Variants in KCNH5 observed in about 807,000 individuals in gnomAD.
KCNH5 encodes potassium voltage-gated channel subfamily H member 5.
In KCNH5, 46 loss-of-function variants were observed where a neutral mutation model predicts 96.1. The observed-to-expected ratio is 0.48, with a 90% CI of 0.38 to 0.61. The LOEUF (loss-of-function observed/expected upper bound fraction) is 0.61, where lower values mean the gene tolerates loss of function less well. Ranked by LOEUF, KCNH5 falls within the 20% of genes least tolerant of loss-of-function variation. KCNH5 has a pLI of 0.00. For missense variants in KCNH5, 907 were observed against 1,225.8 expected (o/e 0.74, Z 3.88); for synonymous variants, 439 against 449.8 (o/e 0.98, Z 0.30).
intron 1 of KCNH5, 59 bp downstream of exon 1, chr14:63,045,055 T>TG (rs1891897335): frequency 1.5e-6 from 2 of 1,305,198 alleles, no homozygotes; most frequent in Admixed American, 1.7e-5. Context: ...ATGGGGAGGA[T>TG]GGGGGGCGCG....
intron 7 of KCNH5, among the ~76,000 whole-genome samples, chr14:62,907,227 A>G (rs1473205559): frequency 6.6e-6 from 1 of 152,138 alleles, no homozygotes; most frequent in Non-Finnish European, 1.5e-5. Flanking sequence ...GATCAATCAG[A>G]CCCTATGACA....
At chr14:62,941,196 T>C (rs1889782802) in intron 7 of KCNH5, among the ~76,000 whole-genome samples, 1 of 152,202 alleles carries the variant, frequency 6.6e-6, no homozygotes, top group South Asian at 2.1e-4. Flanking sequence ...ATGAAGATCC[T>C]TGTAAAACGT....
rs1360362406 is a variant in KCNH5 at position 63,045,253 on chromosome 14, G to A, written c.-67C>T. On this transcript the variant is annotated 5_prime_UTR_variant, in exon 1 of 11. Coordinates refer to ENST00000322893, the MANE Select transcript of KCNH5 (RefSeq NM_139318.5). Reference sequence around the variant, plus strand: ...GGGGGGGATGCAGGCAAAGAAGGTGGAGGAAGAGGAGGAAAAGGTGGAAGA... The same window carrying A: ...GGGGGGGATGCAGGCAAAGAAGGTGAAGGAAGAGGAGGAAAAGGTGGAAGA... 8 of 1,200,240 alleles carry A rather than the reference G, an allele frequency of 6.7e-6. No individual in the cohort carries two copies. Among genetic ancestry groups the A allele is most frequent in the Admixed American group, 5.1e-5 (3 of 58,942 alleles). 74.3% of individuals were successfully genotyped at this position (1,200,240 alleles called of 1,614,324 possible).
intron 7 of KCNH5, among the ~76,000 whole-genome samples, chr14:62,896,586 C>A (rs916124891): frequency 6.6e-6 from 1 of 152,206 alleles, no homozygotes; most frequent in Admixed American, 6.5e-5. Context: ...TTACAATCAA[C>A]GTAGCACATG....
intron 7 of KCNH5, among the ~76,000 whole-genome samples, chr14:62,923,477 T>G (rs1422086104): frequency 6.6e-6 from 1 of 151,910 alleles, no homozygotes. Context: ...AATTATAAAA[T>G]TCATGTAACC....
intron 7 of KCNH5, among the ~76,000 whole-genome samples, chr14:62,865,351 AG>A (rs1888114182): frequency 7.0e-6 from 1 of 143,540 alleles, no homozygotes; most frequent in Non-Finnish European, 1.5e-5. Context: ...AAAAAAAAAA[AG>A]CTTATTCTTG....
At chr14:62,887,736 T>C (rs1223017446) in intron 7 of KCNH5, among the ~76,000 whole-genome samples, 1 of 152,082 alleles carries the variant, frequency 6.6e-6, no homozygotes, top group Non-Finnish European at 1.5e-5. Context: ...TGCCAGACTG[T>C]CTGCTTTGCT....
intron 7 of KCNH5, among the ~76,000 whole-genome samples, chr14:62,925,217 A>T (rs1889451259): frequency 6.6e-6 from 1 of 152,034 alleles, no homozygotes; most frequent in South Asian, 2.1e-4. Flanking sequence ...AAGGGAGAGA[A>T]TACAATATAA....
rs1884346691 is a variant in KCNH5 at position 62,701,448 on chromosome 14, TG to T, written c.*6059del. 6.6e-6 allele frequency: 1 copy of T among 152,210 alleles called. No individual in the cohort carries two copies. The highest frequency in any genetic ancestry group is 1.5e-5 in the Non-Finnish European group (1 of 68,012). 9.4% of individuals were successfully genotyped at this position (152,210 alleles called of 1,614,324 possible). The stretch of plus-strand genomic sequence containing the variant: ...CTGCACTTTTTGGTTTACTCTTCTT[TG>T]ACCAAGTGCCTTTACAAGTAGTACA... On this transcript the variant is annotated 3_prime_UTR_variant, in exon 11 of 11. Transcript: ENST00000322893.
chr14:62,926,251 C>G (rs1386158946), intron 7 of KCNH5, among the ~76,000 whole-genome samples: 2 of 152,066 alleles, frequency 1.3e-5, no homozygotes, highest in Non-Finnish European at 2.9e-5. Flanking sequence ...TTCGTAGTTG[C>G]TCTGATAAGT....
chr14:62,988,344 G>C (rs1001590883), intron 4 of KCNH5, among the ~76,000 whole-genome samples: 6 of 151,732 alleles, frequency 4.0e-5, no homozygotes, highest in African/African-American at 1.5e-4. Context: ...TGTTCCAAAG[G>C]AATGATGACA....
intron 10 of KCNH5, among the ~76,000 whole-genome samples, chr14:62,759,406 T>C: frequency 6.6e-6 from 1 of 152,050 alleles, no homozygotes; most frequent in Non-Finnish European, 1.5e-5. Context: ...ATTATGAATT[T>C]ATTTCTGGGG....
intron 7 of KCNH5, among the ~76,000 whole-genome samples, chr14:62,868,331 A>G (rs955396978): frequency 2.6e-5 from 4 of 152,192 alleles, no homozygotes; most frequent in African/African-American, 9.6e-5. Flanking sequence ...ATTTTACTCA[A>G]TTCATAAATT....
chr14:62,896,294 A>G (rs1190006662), intron 7 of KCNH5, among the ~76,000 whole-genome samples: 1 of 152,238 alleles, frequency 6.6e-6, no homozygotes, highest in East Asian at 1.9e-4. Flanking sequence ...AAGGACCTAT[A>G]TATGTTAACA....
At chr14:62,800,313 AT>A (rs1886634783) in intron 9 of KCNH5, among the ~76,000 whole-genome samples, 1 of 152,206 alleles carries the variant, frequency 6.6e-6, no homozygotes, top group African/African-American at 2.4e-5. Context: ...GATGGGTGCA[AT>A]ACCCAGGGGT....
At chr14:62,824,962 T>A (rs960079075) in intron 8 of KCNH5, among the ~76,000 whole-genome samples, 1 of 152,122 alleles carries the variant, frequency 6.6e-6, no homozygotes, top group Non-Finnish European at 1.5e-5. Context: ...TATGGCTGTA[T>A]AGTTTCCCAT....
At chr14:62,776,755 G>C (rs1260249109) in intron 10 of KCNH5, among the ~76,000 whole-genome samples, 1 of 152,196 alleles carries the variant, frequency 6.6e-6, no homozygotes, top group African/African-American at 2.4e-5. Flanking sequence ...TTTTTACATA[G>C]AGGGGCTTAA....
At chr14:62,828,145 T>C (rs951531553) in intron 8 of KCNH5, among the ~76,000 whole-genome samples, 2 of 152,132 alleles carry the variant, frequency 1.3e-5, no homozygotes, top group Admixed American at 1.3e-4. Context: ...CTATACTGAT[T>C]TTTTTGGATT....
At chr14:62,776,701 G>A (rs763766810) in intron 10 of KCNH5, among the ~76,000 whole-genome samples, 18 of 152,084 alleles carry the variant, frequency 1.2e-4, no homozygotes, top group South Asian at 4.1e-4. Context: ...CTAGTTATTC[G>A]TCAATTCGTA....
Sources: gnomAD v4.1 joint callset for allele counts (sites outside exome capture counted in the v4.1 genomes callset) on GRCh38, gnomAD v4.1.1 for gene constraint, MANE v1.5 for transcripts, NCBI Gene and HGNC (gene_info 2026-07-23, HGNC 2026-07-21) for gene names.